Variants in STK32A observed in about 807,000 individuals in gnomAD.
STK32A encodes the protein serine/threonine kinase 32A.
STK32A carries 41 observed loss-of-function variants against 53.2 expected under a neutral mutation model. The observed-to-expected ratio is 0.77, with a 90% confidence interval of 0.60 to 1.00. The LOEUF (loss-of-function observed/expected upper bound fraction) is 1.00. Ranked by LOEUF, STK32A falls within the 50% of genes least tolerant of loss-of-function variation. The probability of loss-of-function intolerance (pLI) is 0.00; values close to 1 mark genes in which losing one functional copy is unlikely to be tolerated. For synonymous variants in STK32A, 166 were observed against 162.8 expected (o/e 1.02, Z -0.15); for missense variants, 458 against 485.8 (o/e 0.94, Z 0.54).
At chr5:147,355,701 AAAAAAT>A (rs1404307644) in intron 7 of STK32A, among the ~76,000 whole-genome samples, 99 of 151,968 alleles carry the variant, frequency 6.5e-4, no homozygotes, top group South Asian at 2.1e-3. Context: ...TGAATAAAAT[AAAAAAT>A]AAAAATAAAA....
At chr5:147,266,281 G>T (rs1754804822) in intron 2 of STK32A, among the ~76,000 whole-genome samples, 1 of 152,192 alleles carries the variant, frequency 6.6e-6, no homozygotes, top group African/African-American at 2.4e-5. Flanking sequence ...CTCAAAGAGT[G>T]AGTAAGTCGA....
intron 8 of STK32A, among the ~76,000 whole-genome samples, chr5:147,368,452 T>C (rs1472540070): frequency 3.3e-5 from 5 of 152,240 alleles, no homozygotes; most frequent in African/African-American, 1.2e-4. Context: ...TATTTAAGTG[T>C]GTGTGTGTGT....
At chr5:147,397,297 G>C in the STK32A span, among the ~76,000 whole-genome samples, 1 of 151,774 alleles carries the variant, frequency 6.6e-6, no homozygotes, top group African/African-American at 2.4e-5. Flanking sequence ...GAGCAGCACT[G>C]GACAGAATGA....
At chr5:147,286,291 G>A (rs1468695978) in intron 4 of STK32A, among the ~76,000 whole-genome samples, 1 of 151,794 alleles carries the variant, frequency 6.6e-6, no homozygotes, top group African/African-American at 2.4e-5. Flanking sequence ...TGGGAGGGGG[G>A]CGAGGGATAC....
intron 2 of STK32A, among the ~76,000 whole-genome samples, chr5:147,252,466 A>G (rs1191010848): frequency 6.6e-6 from 1 of 152,172 alleles, no homozygotes; most frequent in Non-Finnish European, 1.5e-5. Flanking sequence ...CTGATATGAT[A>G]TCGAGGCTGT....
At chr5:147,342,882 T>A (rs1305660851) in intron 5 of STK32A, 124 bp from the exon 6 acceptor site, 1 of 721,918 alleles carries the variant, frequency 1.4e-6, no homozygotes, top group Non-Finnish European at 2.3e-6. Flanking sequence ...AATGAGAAGA[T>A]GAGTATTGAG....
At position 147,323,897 on chromosome 5, in the gene STK32A, G is replaced by T. The variant is rs1681826252; in HGVS notation, c.261-1G>T. ...AGTTTTCTCTTCTAATGTAATTCCA[G>T]GTATTCCTTCCAAGATGAGGAAGAC... On this transcript the variant is annotated splice_acceptor_variant, in intron 4 of 12. Transcript: ENST00000397936. LOFTEE classifies it high-confidence loss of function. 6.2e-7 allele frequency: 1 copy of T among 1,611,176 alleles called. No individual in the cohort carries two copies. Among genetic ancestry groups the T allele is most frequent in the South Asian group, 1.1e-5 (1 of 90,444 alleles).
chr5:147,279,173 T>C (rs1000839172), intron 3 of STK32A, 74 bp from the exon 4 acceptor site: 13 of 1,373,002 alleles, frequency 9.5e-6, no homozygotes, highest in African/African-American at 8.6e-5. Flanking sequence ...GCAAAGAACA[T>C]GTCTTGTTCT....
intron 8 of STK32A, among the ~76,000 whole-genome samples, chr5:147,367,085 C>G (rs1351324845): frequency 6.7e-6 from 1 of 149,846 alleles, no homozygotes; most frequent in Non-Finnish European, 1.5e-5. Flanking sequence ...TTTTTTTCCT[C>G]AGGAGAGTCT....
intron 5 of STK32A, among the ~76,000 whole-genome samples, chr5:147,336,215 C>T (rs944227704): frequency 1.3e-5 from 2 of 152,142 alleles, no homozygotes; most frequent in African/African-American, 4.8e-5. Context: ...CTATACAGGG[C>T]TCATGTTTAA....
intron 2 of STK32A, among the ~76,000 whole-genome samples, chr5:147,254,576 G>A (rs1380506318): frequency 6.6e-6 from 1 of 152,160 alleles, no homozygotes; most frequent in Non-Finnish European, 1.5e-5. Context: ...AATGGTGGGC[G>A]CACACTTGGA....
chr5:147,378,414 T>C (rs1361077477), intron 11 of STK32A, among the ~76,000 whole-genome samples: 1 of 152,136 alleles, frequency 6.6e-6, no homozygotes, highest in Admixed American at 6.6e-5. Context: ...GAATTACCCA[T>C]GCTGTGTTCA....
chr5:147,343,563 G>T (rs993844182), intron 6 of STK32A, among the ~76,000 whole-genome samples: 1 of 152,144 alleles, frequency 6.6e-6, no homozygotes, highest in Non-Finnish European at 1.5e-5. Flanking sequence ...ACATTTTAGG[G>T]TCATTGTAAA....
Position 147,360,954 on chromosome 5 carries a change from T to G in STK32A, c.563-563T>G, listed in dbSNP as rs571458023. Among the ~76,000 whole-genome samples the G allele has an allele frequency of 2.0e-5, 3 of 152,308 alleles. No homozygotes were observed. The South Asian group carries it at 6.2e-4, about 32-fold the overall frequency. On this transcript the variant is annotated intron_variant, in intron 7 of 12. Transcript: ENST00000397936. ...TTGAAAGAACTACAGTTACAAAGTG[T>G]AAAGAACCCACAGCTGTTGTAAAAC...
intron 7 of STK32A, among the ~76,000 whole-genome samples, chr5:147,355,329 T>C (rs1756165325): frequency 6.6e-6 from 1 of 152,146 alleles, no homozygotes; most frequent in South Asian, 2.1e-4. Flanking sequence ...ATTCCTTCTC[T>C]CTTCTCCTTT....
At chr5:147,259,850 C>CTCCCTCTCTTCTGTCT in intron 2 of STK32A, among the ~76,000 whole-genome samples, 1 of 145,974 alleles carries the variant, frequency 6.9e-6, no homozygotes, top group African/African-American at 2.5e-5. Flanking sequence ...CTGTCTCTCT[C>CTCCCTCTCTTCTGTCT]CTCTCTCCCT....
At chr5:147,318,261 C>A (rs1754112144) in intron 4 of STK32A, among the ~76,000 whole-genome samples, 3 of 151,820 alleles carry the variant, frequency 2.0e-5, no homozygotes. Context: ...TTTTTGTAGC[C>A]ATTGAAATGC....
rs749568069 is a variant in STK32A at position 147,278,150 on chromosome 5, C to T, written c.79C>T (p.Arg27Ter). 2.1e-5 allele frequency: 33 copies of T among 1,597,370 alleles called. No individual in the cohort carries two copies. Among genetic ancestry groups the T allele is most frequent in the African/African-American group, 5.4e-5 (4 of 74,674 alleles). Residue 27 changes from arginine to a stop codon, truncating the protein, a stop_gained, in exon 3 of 13, where the codon CGA becomes TGA. Coordinates refer to ENST00000397936, the MANE Select transcript of STK32A (RefSeq NM_001112724.2). LOFTEE classifies it high-confidence loss of function. ...DVNFDHFEILRAIGKGSFGKV... is the reference protein window; with the variant it reads ...DVNFDHFEIL ...CAACTTTGACCACTTTGAAATTTTG[C>T]GAGCCATTGGGAAAGGCAGTTTTGG...
At position 147,340,289 on chromosome 5, in the gene STK32A, C is replaced by T. The variant is rs1303111989; in HGVS notation, c.435-2717C>T. Among the ~76,000 whole-genome samples the T allele has an allele frequency of 2.0e-5, 3 of 152,306 alleles. No individual in the cohort carries two copies. In the East Asian group the frequency reaches 5.8e-4, roughly 29 times the overall value. On this transcript the variant is annotated intron_variant, in intron 5 of 12. Transcript: ENST00000397936. ...ATCTCACCTATTCAAGATGGAGTCA[C>T]TCTGGTCTGAATGCCCCTGATAAGA...
Sources: gnomAD v4.1 joint callset for allele counts (sites outside exome capture counted in the v4.1 genomes callset) on GRCh38, gnomAD v4.1.1 for gene constraint, MANE v1.5 for transcripts, NCBI Gene and HGNC (gene_info 2026-07-23, HGNC 2026-07-21) for gene names.